Variants in PRLR observed in about 807,000 individuals in gnomAD.
PRLR encodes prolactin receptor.
PRLR carries 13 observed loss-of-function variants against 40.2 expected under a neutral mutation model. That is an observed-to-expected ratio of 0.32 (90% CI 0.21 to 0.51). The LOEUF is 0.51. Among genes scored for constraint, PRLR ranks in the 20% least tolerant of loss-of-function variants. PRLR has a pLI of 0.97. For missense variants in PRLR, 656 were observed against 747.3 expected, an observed-to-expected ratio of 0.88 and a Z score of 1.42; for synonymous variants, 269 against 278.7, an observed-to-expected ratio of 0.97 and a Z score of 0.35.
In PRLR at chr5:35,167,138, CATCTATCTATCTATCTATCT is replaced by C. The variant is rs10524859; in HGVS notation, c.-105-49036_-105-49017del. Among the ~76,000 whole-genome samples, 378 of 147,384 alleles carry C rather than the reference CATCTATCTATCTATCTATCT, an allele frequency of 2.6e-3. 2 individuals carry two copies. Among genetic ancestry groups the C allele is most frequent in the Non-Finnish European group, 3.8e-3 (254 of 66,712 alleles). The stretch of plus-strand genomic sequence containing the variant: ...AAATAACATCAATCTGTTTGTCTAT[CATCTATCTATCTATCTATCT>C]ATCTATCTATCTATCTATCTATCTA... On this transcript the variant is annotated intron_variant, in intron 1 of 9. Coordinates refer to ENST00000618457, the MANE Select transcript of PRLR (RefSeq NM_000949.7).
chr5:35,067,802 T>C (rs530606549), intron 9 of PRLR, among the ~76,000 whole-genome samples: 1 of 152,308 alleles, frequency 6.6e-6, no homozygotes, highest in Admixed American at 6.5e-5. Context: ...TGGGATATTC[T>C]GTTACTATGG....
intron 3 of PRLR, among the ~76,000 whole-genome samples, chr5:35,086,550 G>C (rs111234713): frequency 1.2e-3 from 183 of 149,528 alleles, no homozygotes; most frequent in African/African-American, 4.5e-3. Context: ...CTCTTAGAGA[G>C]CATTTTGCTG....
rs1448071283 is a variant in PRLR at position 35,070,144 on chromosome 5, G to C, written c.665C>G (p.Thr222Ser). The C allele has an allele frequency of 6.2e-7, 1 of 1,612,126 alleles. No homozygotes were observed. The stretch of plus-strand genomic sequence containing the variant: ...CTCACCACTAGGTATCTGAATGAAG[G>C]TCGCTGGACTCCATGCACTCCAGTA... ...HGYWSAWSPATFIQIPSDFTM... is the reference protein window; with the variant it reads ...HGYWSAWSPASFIQIPSDFTM... Residue 222 changes from threonine to serine, a missense_variant, in exon 7 of 10, where the codon ACC becomes AGC. Coordinates refer to ENST00000618457, the MANE Select transcript of PRLR (RefSeq NM_000949.7).
At chr5:35,092,384 C>T (rs751095909) in intron 2 of PRLR, among the ~76,000 whole-genome samples, 16 of 152,196 alleles carry the variant, frequency 1.1e-4, no homozygotes, top group Non-Finnish European at 2.1e-4. Context: ...GTAATTTAAC[C>T]TTTAGAGAAA....
chr5:35,142,741 C>T (rs1019901489), intron 1 of PRLR, among the ~76,000 whole-genome samples: 6 of 152,184 alleles, frequency 3.9e-5, no homozygotes, highest in African/African-American at 7.2e-5. Flanking sequence ...CAGTATTAAG[C>T]GGCAGATCTA....
intron 3 of PRLR, among the ~76,000 whole-genome samples, chr5:35,089,140 T>C (rs1411785213): frequency 1.3e-5 from 2 of 152,234 alleles, no homozygotes. Flanking sequence ...TATCCCATTA[T>C]GGTTTTTTAA....
intron 1 of PRLR, among the ~76,000 whole-genome samples, chr5:35,159,854 G>C (rs1451782013): frequency 6.6e-6 from 1 of 152,190 alleles, no homozygotes; most frequent in Non-Finnish European, 1.5e-5. Flanking sequence ...GTCCGCATTT[G>C]TCAGAAGGAA....
chr5:35,159,243 T>A (rs1242968330), intron 1 of PRLR, among the ~76,000 whole-genome samples: 2 of 151,438 alleles, frequency 1.3e-5, no homozygotes, highest in East Asian at 1.9e-4. Flanking sequence ...ATTTTTGGCA[T>A]CCTTCGGCCT....
intron 2 of PRLR, among the ~76,000 whole-genome samples, chr5:35,105,029 G>A (rs1772144931): frequency 6.6e-6 from 1 of 152,202 alleles, no homozygotes; most frequent in Non-Finnish European, 1.5e-5. Context: ...AGTTTCCAGA[G>A]GAAGGCTCAG....
chr5:35,131,377 G>A (rs1215320240), intron 1 of PRLR, among the ~76,000 whole-genome samples: 2 of 152,118 alleles, frequency 1.3e-5, no homozygotes, highest in Admixed American at 1.3e-4. Context: ...ATGAGACACT[G>A]GGGTTTTACT....
intron 1 of PRLR, among the ~76,000 whole-genome samples, chr5:35,225,001 G>A (rs1776516257): frequency 6.6e-6 from 1 of 152,162 alleles, no homozygotes; most frequent in Non-Finnish European, 1.5e-5. Context: ...TGTTCATGCT[G>A]TTTTAAGCAA....
At chr5:35,110,192 G>C (rs995973196) in intron 2 of PRLR, among the ~76,000 whole-genome samples, 1 of 152,090 alleles carries the variant, frequency 6.6e-6, no homozygotes, top group Non-Finnish European at 1.5e-5. Flanking sequence ...ACAGGGTGGG[G>C]AACAACACAC....
intron 2 of PRLR, among the ~76,000 whole-genome samples, chr5:35,113,890 C>T (rs1230725347): frequency 1.3e-5 from 2 of 152,180 alleles, no homozygotes; most frequent in Non-Finnish European, 2.9e-5. Context: ...CTGGCAGACA[C>T]TGCTGGTTGC....
At position 35,057,503 on chromosome 5, in the gene PRLR, C is replaced by T. The variant is rs1159295997; in HGVS notation, c.*7586G>A. 6.6e-6 allele frequency: 1 copy of T among 152,008 alleles called. No homozygotes were observed. Among genetic ancestry groups the T allele is most frequent in the Non-Finnish European group, 1.5e-5 (1 of 67,974 alleles). 9.4% of individuals were successfully genotyped at this position (152,008 alleles called of 1,614,324 possible). A position where few individuals can be genotyped will look rare whatever the true frequency, so the allele number is the denominator to read the frequency against. ...TAACTAACATATTATATTGGGATGT[C>T]TAAGATTTTGTTTGGCAGGCATTGG... On this transcript the variant is annotated 3_prime_UTR_variant, in exon 10 of 10. Transcript: ENST00000618457.
intron 1 of PRLR, among the ~76,000 whole-genome samples, chr5:35,119,189 T>C (rs572198290): frequency 3.9e-5 from 6 of 152,256 alleles, no homozygotes; most frequent in African/African-American, 1.4e-4. Flanking sequence ...CAAAGGCAAA[T>C]AATCTAACCA....
At chr5:35,133,444 G>C (rs985967332) in intron 1 of PRLR, among the ~76,000 whole-genome samples, 1 of 152,124 alleles carries the variant, frequency 6.6e-6, no homozygotes, top group African/African-American at 2.4e-5. Flanking sequence ...ACCCATTTCT[G>C]ACTCCCATTC....
intron 1 of PRLR, among the ~76,000 whole-genome samples, chr5:35,155,526 A>G (rs73078804): frequency 0.14 from 21,994 of 152,208 alleles, 3,931 homozygotes; most frequent in African/African-American, 0.42. Context: ...GAATTATAAT[A>G]CCCTTGTAAA....
At chr5:35,170,323 A>G (rs1341486165) in intron 1 of PRLR, among the ~76,000 whole-genome samples, 2 of 152,190 alleles carry the variant, frequency 1.3e-5, no homozygotes, top group Admixed American at 6.5e-5. Flanking sequence ...GGGGGCCACT[A>G]TGAAGTCTGG....
intron 1 of PRLR, among the ~76,000 whole-genome samples, chr5:35,205,752 G>A (rs190467857): frequency 6.6e-6 from 1 of 152,248 alleles, no homozygotes. Context: ...TGGAAGAAAA[G>A]AAGATCCTAT....
Sources: gnomAD v4.1 joint callset for allele counts (sites outside exome capture counted in the v4.1 genomes callset) on GRCh38, gnomAD v4.1.1 for gene constraint, MANE v1.5 for transcripts, NCBI Gene and HGNC (gene_info 2026-07-23, HGNC 2026-07-21) for gene names.